The following CDH7 variants were observed in gnomAD, a reference collection of about 807,000 sequenced individuals.
CDH7 encodes cadherin 7, also known as cadherin-7.
A neutral mutation model predicts 71.8 loss-of-function variants in CDH7; 25 were observed. The observed-to-expected ratio is 0.35, with a 90% CI of 0.25 to 0.49. The LOEUF is 0.49. Ranked by LOEUF, CDH7 falls within the 20% of genes least tolerant of loss-of-function variation. The pLI is 0.99. For synonymous variants in CDH7, 381 were observed against 363.8 expected, an observed-to-expected ratio of 1.05 and a Z score of -0.54; for missense variants, 862 against 974.6, an observed-to-expected ratio of 0.88 and a Z score of 1.54.
chr18:65,787,410 T>C (rs934997831), intron 2 of CDH7, among the ~76,000 whole-genome samples: 3 of 152,166 alleles, frequency 2.0e-5, no homozygotes, highest in African/African-American at 7.2e-5. Context: ...TTAACAAGGA[T>C]TTATTGAGCG....
In CDH7 at chr18:65,862,877, A is replaced by C; in HGVS notation, c.1824A>C (p.Gly608=). 1 of 1,614,202 alleles carries C rather than the reference A, an allele frequency of 6.2e-7. No individual in the cohort carries two copies. Among genetic ancestry groups the C allele is most frequent in the Non-Finnish European group, 8.5e-7 (1 of 1,180,024 alleles). Residue 608 remains glycine (G), a synonymous_variant, in exon 11 of 12, where the codon GGA becomes GGC. Coordinates refer to ENST00000397968, the MANE Select transcript of CDH7 (RefSeq NM_004361.5). Reference sequence around the variant, plus strand: ...TCCTACCTGCTGGCCTCAGTACAGGAGCCCTGATAGCCATACTCGCCTGTG... The same window carrying C: ...TCCTACCTGCTGGCCTCAGTACAGGCGCCCTGATAGCCATACTCGCCTGTG... ...AYVLPAGLST[G]ALIAILACVL...
intron 2 of CDH7, among the ~76,000 whole-genome samples, chr18:65,767,719 T>C (rs918324811): frequency 1.2e-4 from 19 of 152,330 alleles, no homozygotes; most frequent in Middle Eastern, 3.4e-3. Flanking sequence ...TCCTGGTGAT[T>C]TCAAAAGGAA....
chr18:65,855,268 A>T (rs1913310895), intron 7 of CDH7, among the ~76,000 whole-genome samples: 2 of 152,098 alleles, frequency 1.3e-5, no homozygotes. Context: ...TTTCAAAACA[A>T]ATTTTACAGA....
chr18:65,824,498 C>T (rs1912051627), intron 5 of CDH7, 146 bp from the exon 6 acceptor site: 1 of 456,784 alleles, frequency 2.2e-6, no homozygotes, highest in African/African-American at 2.0e-5. Context: ...CTATGAAACT[C>T]ATCTTTTGTT....
intron 6 of CDH7, 120 bp from the exon 7 acceptor site, chr18:65,843,692 C>T: frequency 5.0e-6 from 4 of 806,524 alleles, no homozygotes; most frequent in Non-Finnish European, 5.6e-6. Flanking sequence ...TTTTTGGATG[C>T]TGATGGTGCA....
chr18:65,755,755 G>C (rs1254450943), intron 1 of CDH7, among the ~76,000 whole-genome samples: 1 of 152,102 alleles, frequency 6.6e-6, no homozygotes, highest in Non-Finnish European at 1.5e-5. Flanking sequence ...ACACAAAGCA[G>C]ACTACTCTAA....
chr18:65,835,825 C>A (rs1912513573), intron 6 of CDH7, among the ~76,000 whole-genome samples: 1 of 152,122 alleles, frequency 6.6e-6, no homozygotes, highest in South Asian at 2.1e-4. Context: ...GCCTCCTCCT[C>A]AAAAAGATAT....
At chr18:65,812,318 T>C (rs911565569) in intron 3 of CDH7, among the ~76,000 whole-genome samples, 7 of 152,044 alleles carry the variant, frequency 4.6e-5, no homozygotes, top group Admixed American at 3.9e-4. Flanking sequence ...TTCAAATGGG[T>C]TTGGAATTTT....
chr18:65,859,960 G>A, intron 10 of CDH7, 135 bp downstream of exon 10: 1 of 568,016 alleles, frequency 1.8e-6, no homozygotes, highest in Non-Finnish European at 3.1e-6. Context: ...AGCACCTCAA[G>A]TAATTTTTAT....
At chr18:65,810,873 G>A (rs59414893) in intron 3 of CDH7, among the ~76,000 whole-genome samples, 4 of 152,080 alleles carry the variant, frequency 2.6e-5, no homozygotes, top group Non-Finnish European at 5.9e-5. Context: ...AAACATGAAG[G>A]CTTTTTTATT....
intron 6 of CDH7, among the ~76,000 whole-genome samples, chr18:65,834,487 G>T (rs1034578174): frequency 6.6e-6 from 1 of 152,124 alleles, no homozygotes; most frequent in African/African-American, 2.4e-5. Flanking sequence ...ATTTAAGTTA[G>T]CATGGCAAAG....
rs2144030758 is a variant in CDH7 at position 65,859,027 on chromosome 18, A to T, written c.1475A>T (p.Glu492Val). 1.2e-6 allele frequency: 2 copies of T among 1,613,514 alleles called. No individual in the cohort carries two copies. Among genetic ancestry groups the T allele is most frequent in the East Asian group, 4.5e-5 (2 of 44,850 alleles). Residue 492 changes from glutamate (E) to valine (V), a missense_variant, in exon 9 of 12, where the codon GAA (glutamate) becomes GTA (valine). By Grantham distance (121) the Glu-to-Val change is moderately radical. Coordinates refer to ENST00000397968, the MANE Select transcript of CDH7 (RefSeq NM_004361.5). ...FAMDYETTVC[E>V]NAQPGQVIQK... ...ATGGACTATGAGACCACCGTCTGTG[A>T]AAATGCCCAGCCGGGGCAGGTAAGA...
intron 11 of CDH7, 46 bp from the exon 12 acceptor site, chr18:65,880,355 A>G (rs1244227405): frequency 1.3e-6 from 2 of 1,509,232 alleles, no homozygotes; most frequent in Non-Finnish European, 8.8e-7. Flanking sequence ...ACGTGGGGCA[A>G]TGGGTGAGTT....
chr18:65,830,950 A>G (rs1849428507), intron 6 of CDH7, among the ~76,000 whole-genome samples: 1 of 151,790 alleles, frequency 6.6e-6, no homozygotes, highest in Non-Finnish European at 1.5e-5. Context: ...TAGCTTCTTC[A>G]TTTTTAAATA....
Position 65,844,069 on chromosome 18 carries a change from A to AAAACTC in CDH7, c.1235+6_1235+11dup, listed in dbSNP as rs1182485180. On this transcript the variant is annotated splice_donor_region_variant and intron_variant, in intron 7 of 11. Transcript: ENST00000397968. ...ATTCTTCCAATAGCCCTGTGAGGTA[A>AAAACTC]AAACTCATTGTTGTCCTTTTCTATG... 5.0e-6 allele frequency: 8 copies of AAAACTC among 1,611,162 alleles called. No individual in the cohort carries two copies. The highest frequency in any genetic ancestry group is 1.1e-5 in the South Asian group (1 of 90,978).
At chr18:65,787,822 T>C (rs755494315) in intron 2 of CDH7, among the ~76,000 whole-genome samples, 1 of 152,036 alleles carries the variant, frequency 6.6e-6, no homozygotes, top group Non-Finnish European at 1.5e-5. Context: ...CTACAATTTT[T>C]AAGTAGTCTG....
Position 65,809,032 on chromosome 18 carries a change from A to C in CDH7, c.211-672A>C, listed in dbSNP as rs183416648. Among the ~76,000 whole-genome samples, 631 of 152,286 alleles carry C rather than the reference A, an allele frequency of 4.1e-3. 3 individuals are homozygous for C. The highest frequency in any genetic ancestry group is 7.4e-3 in the Non-Finnish European group (500 of 68,014). On this transcript the variant is annotated intron_variant, in intron 2 of 11. Transcript: ENST00000397968. ...ATGCTGTGCTTGATCATGCAAATCTAATGCAGTTCTGGGTATTTCAACAAA... is the reference window on the plus strand; with the variant it reads ...ATGCTGTGCTTGATCATGCAAATCTCATGCAGTTCTGGGTATTTCAACAAA...
Position 65,887,109 on chromosome 18 carries a change from T to C in CDH7, c.*6215T>C, listed in dbSNP as rs1164173735. On this transcript the variant is annotated 3_prime_UTR_variant, in exon 12 of 12. Transcript: ENST00000397968. ...TTCATTTTATTAATGAATATAATGATGTTAATGGTTTATATAAGCAGGAAA... is the reference window on the plus strand; with the variant it reads ...TTCATTTTATTAATGAATATAATGACGTTAATGGTTTATATAAGCAGGAAA... 6.6e-6 allele frequency: 1 copy of C among 152,156 alleles called. No homozygotes were observed. Among genetic ancestry groups the C allele is most frequent in the African/African-American group, 2.4e-5 (1 of 41,440 alleles). The allele number at this position is 152,156 out of a possible 1,614,324, so 9.4% of individuals were successfully genotyped here.
At chr18:65,853,934 T>TCC (rs1197624828) in intron 7 of CDH7, among the ~76,000 whole-genome samples, 4 of 99,236 alleles carry the variant, frequency 4.0e-5, no homozygotes, top group African/African-American at 1.7e-4. Flanking sequence ...TATATATATA[T>TCC]ATATATATAT....
Sources: gnomAD v4.1 joint callset for allele counts (sites outside exome capture counted in the v4.1 genomes callset) on GRCh38, gnomAD v4.1.1 for gene constraint, MANE v1.5 for transcripts, NCBI Gene and HGNC (gene_info 2026-07-23, HGNC 2026-07-21) for gene names.